The following PRKCQ variants were observed in gnomAD, a reference collection of about 807,000 sequenced individuals.
The protein encoded by PRKCQ is protein kinase C theta type.
In PRKCQ, 41 loss-of-function variants were observed where a neutral mutation model predicts 91.2. The ratio of observed to expected loss-of-function variants is 0.45; its 90% CI spans 0.35 to 0.58. The LOEUF is 0.58. PRKCQ is among the 20% of genes least tolerant of loss of function. The pLI is 0.00. For missense variants in PRKCQ, 673 were observed against 896.5 expected, an observed-to-expected ratio of 0.75 and a Z score of 3.18; for synonymous variants, 307 against 316.9, an observed-to-expected ratio of 0.97 and a Z score of 0.33.
In PRKCQ at chr10:6,432,705, A is replaced by C. The variant is rs553493660; in HGVS notation, c.1837-1767T>G. Among the ~76,000 whole-genome samples the C allele has an allele frequency of 7.9e-5, 12 of 152,186 alleles. No individual in the cohort carries two copies. In the South Asian group the frequency reaches 2.3e-3, roughly 29 times the overall value. On this transcript the variant is annotated intron_variant, in intron 16 of 17. Coordinates refer to ENST00000263125, the MANE Select transcript of PRKCQ (RefSeq NM_006257.5). ...GATCTCTAGGGCTTGGAGAGTTCTGACATCCTCGGGTCCTCGGCTGGCATT... is the reference window on the plus strand; with the variant it reads ...GATCTCTAGGGCTTGGAGAGTTCTGCCATCCTCGGGTCCTCGGCTGGCATT...
intron 1 of PRKCQ, among the ~76,000 whole-genome samples, chr10:6,548,253 G>A (rs1361232262): frequency 1.3e-5 from 2 of 151,082 alleles, no homozygotes; most frequent in African/African-American, 4.8e-5. Context: ...GAGAGGATGT[G>A]GAGAAATAGG....
intron 1 of PRKCQ, among the ~76,000 whole-genome samples, chr10:6,557,349 G>T (rs1350903878): frequency 6.6e-6 from 1 of 152,032 alleles, no homozygotes; most frequent in Non-Finnish European, 1.5e-5. Context: ...TCTTCCTTTT[G>T]TTCCAGAGAC....
chr10:6,508,054 A>G (rs1231118710), intron 3 of PRKCQ, among the ~76,000 whole-genome samples: 1 of 152,256 alleles, frequency 6.6e-6, no homozygotes. Flanking sequence ...GGTCCACTAA[A>G]GAAAATTCTA....
chr10:6,460,258 A>C (rs754688149), intron 14 of PRKCQ, among the ~76,000 whole-genome samples: 1 of 151,772 alleles, frequency 6.6e-6, no homozygotes, highest in Non-Finnish European at 1.5e-5. Context: ...AAATGGGTAC[A>C]ATTTGTTGTG....
intron 11 of PRKCQ, among the ~76,000 whole-genome samples, chr10:6,482,653 T>A (rs1037510918): frequency 6.6e-6 from 1 of 152,134 alleles, no homozygotes; most frequent in Non-Finnish European, 1.5e-5. Flanking sequence ...TATTAGTCTG[T>A]TATCACACTG....
At chr10:6,516,353 G>A (rs185753169) in intron 1 of PRKCQ, among the ~76,000 whole-genome samples, 2 of 152,176 alleles carry the variant, frequency 1.3e-5, no homozygotes, top group African/African-American at 4.8e-5. Context: ...TTCCTGCAGA[G>A]TTTGGAAGTT....
chr10:6,477,179 C>G (rs1421134493), intron 12 of PRKCQ, among the ~76,000 whole-genome samples: 3 of 152,208 alleles, frequency 2.0e-5, no homozygotes, highest in Non-Finnish European at 2.9e-5. Flanking sequence ...TAGTTTCTCT[C>G]AGCTCTGGTA....
the PRKCQ span, among the ~76,000 whole-genome samples, chr10:6,395,075 T>TTTC: frequency 1.3e-4 from 18 of 135,764 alleles, no homozygotes; most frequent in East Asian, 1.6e-3. Flanking sequence ...TTTTTTTTTT[T>TTTC]TTTTTGAGAC....
chr10:6,446,362 T>C, intron 15 of PRKCQ, among the ~76,000 whole-genome samples: 1 of 144,642 alleles, frequency 6.9e-6, no homozygotes, highest in Non-Finnish European at 1.5e-5. Context: ...GCTCAGTTTT[T>C]TTTTTTTTTT....
At chr10:6,468,483 T>G (rs563243149) in intron 12 of PRKCQ, among the ~76,000 whole-genome samples, 26 of 152,262 alleles carry the variant, frequency 1.7e-4, no homozygotes, top group Middle Eastern at 3.4e-3. Flanking sequence ...ATTAAAGAAA[T>G]AAACTCATGA....
At chr10:6,406,323 T>C in the PRKCQ span, among the ~76,000 whole-genome samples, 6 of 152,072 alleles carry the variant, frequency 3.9e-5, no homozygotes, top group Non-Finnish European at 7.4e-5. Context: ...CTACTTTTTT[T>C]TTTTTTTCAT....
intron 3 of PRKCQ, among the ~76,000 whole-genome samples, chr10:6,508,510 A>G (rs188846945): frequency 3.9e-4 from 60 of 152,382 alleles, no homozygotes; most frequent in African/African-American, 1.4e-3. Context: ...ATGTCACAGC[A>G]TTACTGCCAT....
intron 1 of PRKCQ, among the ~76,000 whole-genome samples, chr10:6,525,211 AT>A (rs1776623345): frequency 6.6e-6 from 1 of 150,772 alleles, no homozygotes. Flanking sequence ...CGATAATTAT[AT>A]TAAAACTCAT....
chr10:6,490,812 T>C (rs1397194643), intron 8 of PRKCQ, among the ~76,000 whole-genome samples: 1 of 151,582 alleles, frequency 6.6e-6, no homozygotes, highest in Non-Finnish European at 1.5e-5. Flanking sequence ...CAGGTGGTTC[T>C]CCTTTTGTGG....
chr10:6,568,522 G>C (rs1439955155), intron 1 of PRKCQ, among the ~76,000 whole-genome samples: 17 of 146,104 alleles, frequency 1.2e-4, no homozygotes, highest in African/African-American at 4.1e-4. Flanking sequence ...TTTTGAGATG[G>C]AGCCTTGCTC....
At chr10:6,580,427 C>T (rs1366013298), upstream of PRKCQ, 1 of 152,106 alleles carries the variant, frequency 6.6e-6, no homozygotes, top group African/African-American at 2.4e-5. Flanking sequence ...GCACCTCTAG[C>T]CAGGGACGCG....
the PRKCQ span, among the ~76,000 whole-genome samples, chr10:6,411,905 T>G: frequency 1.3e-5 from 2 of 152,196 alleles, no homozygotes; most frequent in African/African-American, 4.8e-5. Context: ...AACACTTATT[T>G]GTTTACTATG....
At chr10:6,560,894 C>T (rs893890015) in intron 1 of PRKCQ, among the ~76,000 whole-genome samples, 9 of 151,968 alleles carry the variant, frequency 5.9e-5, no homozygotes, top group African/African-American at 1.9e-4. Flanking sequence ...AAAAAATTAG[C>T]CAGGCGTGGT....
At chr10:6,547,451 C>T (rs1840004644) in intron 1 of PRKCQ, among the ~76,000 whole-genome samples, 1 of 151,996 alleles carries the variant, frequency 6.6e-6, no homozygotes, top group African/African-American at 2.4e-5. Context: ...AAGAACAAAG[C>T]TGGAGGCATC....
Sources: allele counts gnomAD v4.1 joint callset (sites outside exome capture counted in the v4.1 genomes callset), GRCh38; gene constraint gnomAD v4.1.1; transcripts MANE v1.5; gene names NCBI Gene and HGNC (gene_info 2026-07-23, HGNC 2026-07-21).